Variants in AGPS observed in about 807,000 individuals in gnomAD.
AGPS encodes the protein alkyldihydroxyacetonephosphate synthase, peroxisomal.
A neutral mutation model predicts 90.7 loss-of-function variants in AGPS; 26 were observed. The ratio of observed to expected loss-of-function variants is 0.29; its 90% CI spans 0.21 to 0.40. The LOEUF (loss-of-function observed/expected upper bound fraction) is 0.40. Ranked by LOEUF, AGPS falls within the 10% of genes least tolerant of loss-of-function variation. The probability of loss-of-function intolerance (pLI) is 1.00; values close to 1 mark genes in which losing one functional copy is unlikely to be tolerated. For synonymous variants in AGPS, 294 were observed against 285.3 expected (o/e 1.03, Z -0.31); for missense variants, 540 against 816.1 (o/e 0.66, Z 4.12).
chr2:177,448,793 C>T (rs866830788), intron 8 of AGPS, among the ~76,000 whole-genome samples: 2 of 152,186 alleles, frequency 1.3e-5, no homozygotes, highest in Middle Eastern at 3.4e-3. Flanking sequence ...ATCCACCAAC[C>T]CCAAAAGTTT....
chr2:177,462,019 G>A lies in AGPS; in HGVS notation c.996+1G>A. ...TATCTATGGCAATATCGAGGACCTG[G>A]TAAATATTTTTCTAGTTATTATGTA... On this transcript the variant is annotated splice_donor_variant, in intron 9 of 19. Transcript: ENST00000264167. LOFTEE classifies it high-confidence loss of function. 1 of 1,604,542 alleles carries A rather than the reference G, an allele frequency of 6.2e-7. No homozygotes were observed.
chr2:177,537,072 A>G (rs896056233), intron 19 of AGPS, among the ~76,000 whole-genome samples: 2 of 152,186 alleles, frequency 1.3e-5, no homozygotes, highest in Admixed American at 6.6e-5. Context: ...GAATTCAATT[A>G]GTATGATAAT....
intron 16 of AGPS, among the ~76,000 whole-genome samples, chr2:177,511,249 G>A (rs999585701): frequency 3.3e-5 from 5 of 151,884 alleles, no homozygotes; most frequent in African/African-American, 4.8e-5. Context: ...CCAGGTGCAC[G>A]TCACCATGCT....
At chr2:177,501,785 A>G (rs1442952079) in intron 14 of AGPS, among the ~76,000 whole-genome samples, 2 of 152,102 alleles carry the variant, frequency 1.3e-5, no homozygotes, top group East Asian at 1.9e-4. Flanking sequence ...GTCCTGCCTC[A>G]GCCTCCTGAG....
At chr2:177,524,957 T>C (rs895397219) in intron 19 of AGPS, among the ~76,000 whole-genome samples, 4 of 152,224 alleles carry the variant, frequency 2.6e-5, no homozygotes, top group African/African-American at 9.6e-5. Context: ...CGTCATTGTG[T>C]CAATTTAATC....
At chr2:177,495,745 T>TAAAAAAAAAAA (rs375905234) in intron 12 of AGPS, among the ~76,000 whole-genome samples, 1 of 140,178 alleles carries the variant, frequency 7.1e-6, no homozygotes, top group Non-Finnish European at 1.5e-5. Flanking sequence ...CTGTCTCTAC[T>TAAAAAAAAAAA]AAAAAAAAAA....
chr2:177,533,364 A>G (rs2079154787), intron 19 of AGPS, among the ~76,000 whole-genome samples: 1 of 152,166 alleles, frequency 6.6e-6, no homozygotes, highest in Non-Finnish European at 1.5e-5. Flanking sequence ...GCAAGAAGAT[A>G]CTGATCCCTG....
At chr2:177,455,632 G>A (rs1687089606) in intron 8 of AGPS, among the ~76,000 whole-genome samples, 1 of 151,928 alleles carries the variant, frequency 6.6e-6, no homozygotes, top group South Asian at 2.1e-4. Context: ...CTTATTGGGT[G>A]GGAGGGTAAA....
intron 7 of AGPS, among the ~76,000 whole-genome samples, chr2:177,442,947 A>G (rs1046627552): frequency 6.6e-6 from 1 of 151,844 alleles, no homozygotes; most frequent in African/African-American, 2.4e-5. Flanking sequence ...CCTCAGGTAT[A>G]TATGTTGATG....
At chr2:177,442,305 C>T (rs1686631274) in intron 6 of AGPS, 102 bp from the exon 7 acceptor site, 2 of 899,426 alleles carry the variant, frequency 2.2e-6, no homozygotes, top group South Asian at 1.3e-5. Flanking sequence ...TATCACTTTT[C>T]TAGTGGCCCT....
At chr2:177,445,436 T>C (rs1686741377) in intron 7 of AGPS, 110 bp from the exon 8 acceptor site, 1 of 924,444 alleles carries the variant, frequency 1.1e-6, no homozygotes, top group Admixed American at 1.9e-5. Flanking sequence ...GGGGAACCCT[T>C]CTTGCTTAAT....
intron 1 of AGPS, among the ~76,000 whole-genome samples, chr2:177,418,429 G>A (rs1685851652): frequency 6.6e-6 from 1 of 152,024 alleles, no homozygotes; most frequent in Non-Finnish European, 1.5e-5. Flanking sequence ...TCGTTGTTAA[G>A]CTACATAAAC....
At position 177,469,253 on chromosome 2, in the gene AGPS, CAGA is replaced by C. The variant is rs556793026; in HGVS notation, c.1105+730_1105+732del. ...AAATAAACAAGTGTTTCTACATTAA[CAGA>C]GGAGCTCATTATTCACTTCAGAAGG... On this transcript the variant is annotated intron_variant, in intron 10 of 19. Transcript: ENST00000264167. 2.6e-3 allele frequency among the ~76,000 whole-genome samples: 402 copies of C among 152,166 alleles called. 3 individuals are homozygous for C. The highest frequency in any genetic ancestry group is 6.8e-3 in the Middle Eastern group (2 of 294).
intron 11 of AGPS, among the ~76,000 whole-genome samples, chr2:177,488,869 AC>A (rs542689328): frequency 1.3e-5 from 2 of 152,140 alleles, no homozygotes; most frequent in Non-Finnish European, 2.9e-5. Context: ...CAATGCTTAT[AC>A]TTTTATAGTT....
chr2:177,446,374 C>G (rs1686774603), intron 8 of AGPS, among the ~76,000 whole-genome samples: 4 of 152,090 alleles, frequency 2.6e-5, no homozygotes, highest in Admixed American at 2.6e-4. Flanking sequence ...ATCTCCTGAC[C>G]TCGTGATCCG....
rs549693903 is a variant in AGPS at position 177,530,757 on chromosome 2, A to G, written c.1855+6952A>G. On this transcript the variant is annotated intron_variant, in intron 19 of 19. Transcript: ENST00000264167. ...AGCTATGTTAACTCTGGTTTTGTGT[A>G]TCAGAGAAAACAGATGTAGTCTGGA... Among the ~76,000 whole-genome samples, 392 of 152,322 alleles carry G rather than the reference A, an allele frequency of 2.6e-3. 4 individuals carry two copies. The highest frequency in any genetic ancestry group is 9.0e-3 in the African/African-American group (375 of 41,580).
chr2:177,472,445 G>A (rs556644552), intron 10 of AGPS, among the ~76,000 whole-genome samples: 35 of 151,828 alleles, frequency 2.3e-4, no homozygotes, highest in African/African-American at 8.2e-4. Flanking sequence ...TTGTATTTCT[G>A]ATTCAAGGTA....
chr2:177,503,410 T>C (rs1283729410), intron 14 of AGPS, among the ~76,000 whole-genome samples: 1 of 152,184 alleles, frequency 6.6e-6, no homozygotes, highest in East Asian at 1.9e-4. Context: ...TGAGAGTGAT[T>C]AGGTTCACCA....
chr2:177,485,737 C>T (rs965729780), intron 11 of AGPS, among the ~76,000 whole-genome samples: 3 of 151,974 alleles, frequency 2.0e-5, no homozygotes, highest in South Asian at 2.1e-4. Context: ...GGCAACATGG[C>T]GAAACCCTGT....
Sources: allele counts gnomAD v4.1 joint callset (sites outside exome capture counted in the v4.1 genomes callset), GRCh38; gene constraint gnomAD v4.1.1; transcripts MANE v1.5; gene names NCBI Gene and HGNC (gene_info 2026-07-23, HGNC 2026-07-21).